Variants in LY86 observed in about 807,000 individuals in gnomAD.
LY86 encodes the protein MD-1, RP105-associated.
Under a neutral mutation model 17.3 loss-of-function variants are expected in LY86, and 20 were observed. That is an observed-to-expected ratio of 1.15 (90% CI 0.81 to 1.68). The LOEUF (loss-of-function observed/expected upper bound fraction) is 1.68. LY86 is among the 40% of genes most tolerant of loss of function. The probability of loss-of-function intolerance (pLI) is 0.00; values close to 1 mark genes in which losing one functional copy is unlikely to be tolerated. For missense variants in LY86, 200 were observed against 191.9 expected, an observed-to-expected ratio of 1.04 and a Z score of -0.25; for synonymous variants, 74 against 70.6, an observed-to-expected ratio of 1.05 and a Z score of -0.24.
intron 3 of LY86, among the ~76,000 whole-genome samples, chr6:6,643,920 C>T (rs1352062939): frequency 1.3e-5 from 2 of 152,104 alleles, no homozygotes; most frequent in East Asian, 3.9e-4. Flanking sequence ...CCTACTGGGC[C>T]CAGCAGGTGG....
chr6:6,646,857 T>G (rs1251556259), intron 3 of LY86, among the ~76,000 whole-genome samples: 3 of 152,220 alleles, frequency 2.0e-5, no homozygotes, highest in Non-Finnish European at 4.4e-5. Context: ...AGCTGCTGAA[T>G]GTCTCTAAGA....
chr6:6,654,510 C>T lies in LY86; in HGVS notation c.406-34C>T, dbSNP rs761194027. On this transcript the variant is annotated intron_variant, in intron 4 of 4. Transcript: ENST00000230568. ...TTAAATGGTTAATTGTACTGTGGGT[C>T]ACACGTCTAATACTTGACCTGTGCC... 2.7e-6 allele frequency: 4 copies of T among 1,490,556 alleles called. No individual in the cohort carries two copies. In the South Asian group the frequency reaches 4.5e-5, roughly 17 times the overall value. 92.3% of individuals were successfully genotyped at this position (1,490,556 alleles called of 1,614,324 possible).
chr6:6,590,464 C>T (rs779278276), intron 1 of LY86, among the ~76,000 whole-genome samples: 3 of 152,006 alleles, frequency 2.0e-5, no homozygotes, highest in Non-Finnish European at 4.4e-5. Context: ...TTTTGGACTG[C>T]AGTTGGCTGA....
intron 1 of LY86, among the ~76,000 whole-genome samples, chr6:6,621,945 G>T (rs976293249): frequency 6.6e-6 from 1 of 151,904 alleles, no homozygotes; most frequent in South Asian, 2.1e-4. Flanking sequence ...AAGGATATGA[G>T]TTTGAGAGGG....
chr6:6,640,136 G>T (rs1762017290), intron 3 of LY86, among the ~76,000 whole-genome samples: 1 of 152,170 alleles, frequency 6.6e-6, no homozygotes, highest in Admixed American at 6.5e-5. Context: ...GAGGAGAAAT[G>T]ATTTGGCTAG....
At chr6:6,607,720 C>T (rs558036521) in intron 1 of LY86, among the ~76,000 whole-genome samples, 4 of 152,014 alleles carry the variant, frequency 2.6e-5, no homozygotes, top group Admixed American at 6.5e-5. Flanking sequence ...GCCAACATGG[C>T]GAAACCCCGT....
intron 1 of LY86, among the ~76,000 whole-genome samples, chr6:6,601,868 A>G (rs1166752085): frequency 6.6e-6 from 1 of 152,228 alleles, no homozygotes; most frequent in East Asian, 1.9e-4. Flanking sequence ...CTCATTTTTC[A>G]AAAGAAGCTA....
At chr6:6,652,440 G>A (rs1228290441) in intron 4 of LY86, among the ~76,000 whole-genome samples, 2 of 152,038 alleles carry the variant, frequency 1.3e-5, no homozygotes, top group African/African-American at 2.4e-5. Flanking sequence ...GGCCAAAAAC[G>A]CTCCCACTCA....
intron 2 of LY86, among the ~76,000 whole-genome samples, chr6:6,625,887 G>T (rs868500718): frequency 1.3e-5 from 2 of 152,198 alleles, no homozygotes; most frequent in Non-Finnish European, 2.9e-5. Context: ...CACCTGTGCT[G>T]CAATACCTCC....
chr6:6,612,199 CCA>C (rs1343572964), intron 1 of LY86, among the ~76,000 whole-genome samples: 3 of 152,154 alleles, frequency 2.0e-5, no homozygotes, highest in African/African-American at 4.8e-5. Context: ...AAGAACGAAG[CCA>C]CAGACCCTCA....
intron 3 of LY86, among the ~76,000 whole-genome samples, chr6:6,647,232 C>T (rs370225216): frequency 5.3e-5 from 8 of 152,062 alleles, no homozygotes; most frequent in African/African-American, 1.9e-4. Context: ...TGTTAATAGC[C>T]TTCCTTTCCA....
intron 1 of LY86, among the ~76,000 whole-genome samples, chr6:6,614,744 G>GAA (rs11412069): frequency 0.032 from 4,870 of 150,088 alleles, 152 homozygotes; most frequent in African/African-American, 0.075. Context: ...AAATGAAACA[G>GAA]AAAAAAAAAA....
chr6:6,628,550 C>T (rs1050467957), intron 3 of LY86, among the ~76,000 whole-genome samples: 2 of 151,966 alleles, frequency 1.3e-5, no homozygotes, highest in African/African-American at 4.8e-5. Flanking sequence ...GTCTCTCTGT[C>T]TGTCTCTCTC....
chr6:6,642,624 A>T (rs577760745), intron 3 of LY86, among the ~76,000 whole-genome samples: 1 of 152,276 alleles, frequency 6.6e-6, no homozygotes, highest in African/African-American at 2.4e-5. Context: ...CAAGTTTGTT[A>T]TTACCTTAAA....
At chr6:6,606,850 G>A (rs766126389) in intron 1 of LY86, among the ~76,000 whole-genome samples, 7 of 152,274 alleles carry the variant, frequency 4.6e-5, no homozygotes, top group Non-Finnish European at 7.3e-5. Context: ...CTCCGGCCTT[G>A]GCCAGCCCAG....
Position 6,625,040 on chromosome 6 carries a change from A to G in LY86, c.223+28A>G, listed in dbSNP as rs776826225. The G allele has an allele frequency of 1.0e-5, 11 of 1,065,330 alleles. No individual in the cohort carries two copies. The South Asian group carries it at 1.5e-4, about 15-fold the overall frequency. The allele number at this position is 1,065,330 out of a possible 1,614,324, so 66.0% of individuals were successfully genotyped here. ...AAGTAAAAAAAATGATTAGCATGAA[A>G]TAAAACATTGCACAGCCTCTTCCAA... On this transcript the variant is annotated intron_variant, in intron 2 of 4. Coordinates refer to ENST00000230568, the MANE Select transcript of LY86 (RefSeq NM_004271.4).
chr6:6,644,107 C>T (rs368792958), intron 3 of LY86, among the ~76,000 whole-genome samples: 12 of 152,162 alleles, frequency 7.9e-5, no homozygotes, highest in African/African-American at 1.9e-4. Context: ...TTTGGGAAAT[C>T]GGCAGGAATT....
At chr6:6,622,961 C>T (rs1279240488) in intron 1 of LY86, among the ~76,000 whole-genome samples, 1 of 152,234 alleles carries the variant, frequency 6.6e-6, no homozygotes, top group Non-Finnish European at 1.5e-5. Flanking sequence ...TGAATCTTGA[C>T]TCTGACACTT....
intron 4 of LY86, among the ~76,000 whole-genome samples, chr6:6,651,948 C>T (rs528106229): frequency 2.7e-5 from 4 of 147,942 alleles, no homozygotes; most frequent in East Asian, 2.1e-4. Flanking sequence ...CGCAGCCACT[C>T]GGGAGGCTGA....
Sources: gnomAD v4.1 joint callset for allele counts (sites outside exome capture counted in the v4.1 genomes callset) on GRCh38, gnomAD v4.1.1 for gene constraint, MANE v1.5 for transcripts, NCBI Gene and HGNC (gene_info 2026-07-23, HGNC 2026-07-21) for gene names.